Variants in INTS3 observed in about 807,000 individuals in gnomAD.
The protein encoded by INTS3 is integrator complex subunit 3.
Under a neutral mutation model 146.3 loss-of-function variants are expected in INTS3, and 34 were observed. The observed-to-expected ratio is 0.23, with a 90% confidence interval of 0.18 to 0.31. The LOEUF is 0.31. INTS3 is among the 10% of genes least tolerant of loss of function. INTS3 has a pLI of 1.00. For missense variants in INTS3, 757 were observed against 1,304.2 expected (o/e 0.58, Z 6.46); for synonymous variants, 475 against 494.9 (o/e 0.96, Z 0.53).
intron 22 of INTS3, among the ~76,000 whole-genome samples, 159 bp downstream of exon 22, chr1:153,769,120 G>A (rs1033073185): frequency 6.6e-6 from 1 of 152,206 alleles, no homozygotes; most frequent in African/African-American, 2.4e-5. Context: ...TGGGGCCTGG[G>A]AAGGAAAAGT....
At chr1:153,752,245 C>T (rs781635671) in intron 7 of INTS3, 34 bp from the exon 8 acceptor site, 17 of 1,608,028 alleles carry the variant, frequency 1.1e-5, no homozygotes, top group South Asian at 3.3e-5. Context: ...TTTTTATTCT[C>T]TTTCCTGTCC....
chr1:153,738,959 A>G (rs934301248), intron 1 of INTS3, among the ~76,000 whole-genome samples: 2 of 150,790 alleles, frequency 1.3e-5, no homozygotes, highest in South Asian at 4.2e-4. Context: ...AATGATGCCA[A>G]CTCAGCTCAC....
At chr1:153,740,603 C>G (rs746287162) in intron 1 of INTS3, 48 bp from the exon 2 acceptor site, 5 of 1,398,144 alleles carry the variant, frequency 3.6e-6, no homozygotes, top group Non-Finnish European at 5.1e-6. Context: ...GAAGTACTTC[C>G]TAAGTGGTGT....
chr1:153,772,025 G>T lies in INTS3; in HGVS notation c.2720+62G>T. Reference sequence around the variant, plus strand: ...CGGTCTGCAGTGATTGCTGTCGGTGGTGGTGGTGGTGGTGGTGGTGGTGGT... The same window carrying T: ...CGGTCTGCAGTGATTGCTGTCGGTGTTGGTGGTGGTGGTGGTGGTGGTGGT... On this transcript the variant is annotated intron_variant, in intron 26 of 29. Transcript: ENST00000318967. This position sits in a 1 kb window ranked among gnomAD's most constrained non-coding sequence, Gnocchi z 4.6. 5.3e-6 allele frequency: 7 copies of T among 1,314,034 alleles called. No homozygotes were observed. The highest frequency in any genetic ancestry group is 7.2e-6 in the Non-Finnish European group (7 of 970,666). 81.4% of individuals were successfully genotyped at this position (1,314,034 alleles called of 1,614,324 possible). A position where few individuals can be genotyped will look rare whatever the true frequency, so the allele number is the denominator to read the frequency against.
rs1016595219 is a variant in INTS3, at chr1:153,742,505, T to TGTGTGTGTGTGTGTGTGTGTGC, written c.318+1140_318+1141insTGTGTGTGTGTGTGTGTGCGTG. 1.2e-3 allele frequency among the ~76,000 whole-genome samples: 186 copies of TGTGTGTGTGTGTGTGTGTGTGC among 151,906 alleles called. 1 individual carries two copies. Among genetic ancestry groups the TGTGTGTGTGTGTGTGTGTGTGC allele is most frequent in the African/African-American group, 4.3e-3 (180 of 41,382 alleles). On this transcript the variant is annotated intron_variant, in intron 3 of 29. Transcript: ENST00000318967. Reference sequence around the variant, plus strand: ...GTGTGTGTGTGTGTGTGTGTGTGTGTGTGCGTGCGCATCATTGGCTGTGTG... The same window carrying TGTGTGTGTGTGTGTGTGTGTGC: ...GTGTGTGTGTGTGTGTGTGTGTGTGTGTGTGTGTGTGTGTGTGTGTGCGTGCGTGCGCATCATTGGCTGTGTG...
Position 153,772,024 on chromosome 1 carries a change from G to T in INTS3, c.2720+61G>T. 1 of 1,283,642 alleles carries T rather than the reference G, an allele frequency of 7.8e-7. No homozygotes were observed. The allele number at this position is 1,283,642 out of a possible 1,614,324, so 79.5% of individuals were successfully genotyped here. A position where few individuals can be genotyped will look rare whatever the true frequency, so the allele number is the denominator to read the frequency against. On this transcript the variant is annotated intron_variant, in intron 26 of 29. Coordinates refer to ENST00000318967, the MANE Select transcript of INTS3 (RefSeq NM_023015.5). This position sits in a 1 kb window ranked among gnomAD's most constrained non-coding sequence, Gnocchi z 4.6. Reference sequence around the variant, plus strand: ...GCGGTCTGCAGTGATTGCTGTCGGTGGTGGTGGTGGTGGTGGTGGTGGTGG... The same window carrying T: ...GCGGTCTGCAGTGATTGCTGTCGGTTGTGGTGGTGGTGGTGGTGGTGGTGG...
At position 153,758,007 on chromosome 1, in the gene INTS3, C is replaced by T. The variant is rs184029797; in HGVS notation, c.1149+244C>T. ...CCCATTACTGCCAACCCCCAAAAGCCTGGGTTTCTGGAGCGTCCCTGCCTT... is the reference window on the plus strand; with the variant it reads ...CCCATTACTGCCAACCCCCAAAAGCTTGGGTTTCTGGAGCGTCCCTGCCTT... On this transcript the variant is annotated intron_variant, in intron 10 of 29. Transcript: ENST00000318967. Among the ~76,000 whole-genome samples, 8 of 152,282 alleles carry T rather than the reference C, an allele frequency of 5.3e-5. No individual in the cohort carries two copies. In the East Asian group the frequency reaches 1.5e-3, roughly 29 times the overall value.
chr1:153,740,970 C>T (rs1018016960), intron 2 of INTS3, among the ~76,000 whole-genome samples: 1 of 152,048 alleles, frequency 6.6e-6, no homozygotes, highest in Non-Finnish European at 1.5e-5. Context: ...CGCTATGTTG[C>T]CCAGGCTGGA....
chr1:153,772,440 T>C lies in INTS3; in HGVS notation c.2821T>C (p.Phe941Leu), dbSNP rs1198569366. ...CAACCTGACCAACACCAAGCAGAAC[T>C]GTATGCCTTCCACCCTCGGCGTCCA... ...RLNLTNTKQN[F>L]FSQTPILQAL... Residue 941 changes from phenylalanine to leucine, a missense_variant and splice_region_variant, in exon 27 of 30, where the codon TTT becomes CTT. Phe to Leu is a conservative substitution (Grantham distance 22). This residue lies in a region of INTS3 where 125 missense variants were observed against 165.6 expected (regional missense o/e 0.75). Coordinates refer to ENST00000318967, the MANE Select transcript of INTS3 (RefSeq NM_023015.5). This position sits in a 1 kb window ranked among gnomAD's most constrained non-coding sequence, Gnocchi z 4.6. 3.1e-6 allele frequency: 5 copies of C among 1,614,028 alleles called. No individual in the cohort carries two copies. Among genetic ancestry groups the C allele is most frequent in the Non-Finnish European group, 4.2e-6 (5 of 1,180,040 alleles).
At chr1:153,771,995 C>T in intron 26 of INTS3, 32 bp downstream of exon 26, 1 of 1,582,742 alleles carries the variant, frequency 6.3e-7, no homozygotes, top group Non-Finnish European at 8.6e-7. Context: ...CCCTCCAGGC[C>T]ATGGCGGTCT....
intron 6 of INTS3, among the ~76,000 whole-genome samples, chr1:153,749,641 T>C (rs1557997134): frequency 6.6e-6 from 1 of 152,332 alleles, no homozygotes; most frequent in East Asian, 1.9e-4. Context: ...CTGGAGCCAC[T>C]TCTGTTATTG....
At chr1:153,770,059 GTGTGTGTGTGTGTGT>G (rs1229409208) in intron 23 of INTS3, 124 bp from the exon 24 acceptor site, 36 of 326,228 alleles carry the variant, frequency 1.1e-4, no homozygotes, top group Middle Eastern at 1.1e-3. Context: ...GTGGATTGGG[GTGTGTGTGTGTGTGT>G]GTGTGTGTGT....
At chr1:153,732,409 C>T (rs1289218512) in intron 1 of INTS3, among the ~76,000 whole-genome samples, 1 of 151,564 alleles carries the variant, frequency 6.6e-6, no homozygotes, top group Non-Finnish European at 1.5e-5. Context: ...TTGAACGCAG[C>T]TTGTTCAATA....
chr1:153,732,697 C>G (rs1671123020), intron 1 of INTS3, among the ~76,000 whole-genome samples: 2 of 152,178 alleles, frequency 1.3e-5, no homozygotes, highest in Non-Finnish European at 2.9e-5. Context: ...ATCCACCTGC[C>G]TCGGCCTCCG....
At chr1:153,753,042 T>TAC (rs57778477) in intron 8 of INTS3, among the ~76,000 whole-genome samples, 16,192 of 145,420 alleles carry the variant, frequency 0.11, 922 homozygotes, top group African/African-American at 0.16. Flanking sequence ...GCTCCCCTCC[T>TAC]ACACACACAC....
chr1:153,764,455 C>T (rs567006460), intron 18 of INTS3, among the ~76,000 whole-genome samples: 92 of 152,344 alleles, frequency 6.0e-4, no homozygotes, highest in African/African-American at 1.9e-3. Context: ...GGCCCAGTAA[C>T]TCTAATCTGC....
chr1:153,759,240 C>G (rs1672281562), intron 10 of INTS3, among the ~76,000 whole-genome samples: 1 of 149,826 alleles, frequency 6.7e-6, no homozygotes, highest in Admixed American at 6.6e-5. Context: ...TGCCACTGCA[C>G]TACAGCCTGG....
intron 1 of INTS3, among the ~76,000 whole-genome samples, chr1:153,733,172 C>T (rs1285253824): frequency 7.3e-6 from 1 of 137,226 alleles, no homozygotes; most frequent in African/African-American, 2.7e-5. Context: ...ACTGACTTCC[C>T]ATAGGGAGCA....
rs577781237 is a variant in INTS3, at chr1:153,752,873, C to T, written c.859+465C>T. On this transcript the variant is annotated intron_variant, in intron 8 of 29. Transcript: ENST00000318967. Reference sequence around the variant, plus strand: ...CCAAGGATCCAGCTTGGGCAAAATCCACTTTGGAGGAGGGAGTCTCCGTGT... The same window carrying T: ...CCAAGGATCCAGCTTGGGCAAAATCTACTTTGGAGGAGGGAGTCTCCGTGT... Among the ~76,000 whole-genome samples, 9 of 152,260 alleles carry T rather than the reference C, an allele frequency of 5.9e-5. 1 individual carries two copies. In the South Asian group the frequency reaches 1.7e-3, roughly 28 times the overall value.
Sources: allele counts gnomAD v4.1 joint callset (sites outside exome capture counted in the v4.1 genomes callset), GRCh38; gene constraint gnomAD v4.1.1; regional missense constraint gnomAD v4.1.1; non-coding constraint Gnocchi (gnomAD v3.1); transcripts MANE v1.5; gene names NCBI Gene and HGNC (gene_info 2026-07-23, HGNC 2026-07-21).